The following ABCE1 variants were observed in gnomAD, a reference collection of about 807,000 sequenced individuals.
ABCE1 encodes ATP binding cassette subfamily E member 1, also known as ATP-binding cassette sub-family E member 1.
A neutral mutation model predicts 83.4 loss-of-function variants in ABCE1; 22 were observed. That is an observed-to-expected ratio of 0.26 (90% CI 0.19 to 0.38). The LOEUF is 0.38. Among genes scored for constraint, ABCE1 ranks in the 10% least tolerant of loss-of-function variants. The pLI is 1.00. For missense variants in ABCE1, 330 were observed against 721.9 expected (o/e 0.46, Z 6.22); for synonymous variants, 204 against 233.7 (o/e 0.87, Z 1.16).
In ABCE1 at chr4:145,102,282, T is replaced by G. The variant is rs368128664; in HGVS notation, c.-27-2104T>G. 3.3e-5 allele frequency among the ~76,000 whole-genome samples: 5 copies of G among 152,134 alleles called. No homozygotes were observed. In the East Asian group the frequency reaches 9.6e-4, roughly 29 times the overall value. On this transcript the variant is annotated intron_variant, in intron 1 of 17. Transcript: ENST00000296577. ...TCCAGAGAGCATGTAGCAAGAAATT[T>G]GAGACATTGAGTATAAGCAACTCTT...
Position 145,123,487 on chromosome 4 carries a change from C to G in ABCE1, c.1527C>G (p.Leu509=). 1.2e-6 allele frequency: 2 copies of G among 1,602,862 alleles called. No homozygotes were observed. Among genetic ancestry groups the G allele is most frequent in the African/African-American group, 1.3e-5 (1 of 74,824 alleles). Residue 509 remains leucine (L), a synonymous_variant, in exon 16 of 18, where the codon CTC becomes CTG. Coordinates refer to ENST00000296577, the MANE Select transcript of ABCE1 (RefSeq NM_002940.3). The part of the protein sequence containing the change: ...MAARVVKRFI[L]HAKKTAFVVE... ...AATCATTGTGTTTTAGTTTCATACT[C>G]CATGCAAAAAAGACAGCCTTTGTTG...
At chr4:145,123,646 T>C in intron 16 of ABCE1, 46 bp downstream of exon 16, 6 of 1,516,448 alleles carry the variant, frequency 4.0e-6, no homozygotes, top group Non-Finnish European at 5.4e-6. Context: ...TTTTAAATTT[T>C]CCAGTAAATA....
At chr4:145,107,362 G>A (rs1749339259) in intron 3 of ABCE1, among the ~76,000 whole-genome samples, 1 of 152,066 alleles carries the variant, frequency 6.6e-6, no homozygotes, top group African/African-American at 2.4e-5. Context: ...GTATACAAGG[G>A]CAGGAATAAT....
At chr4:145,127,423 G>A (rs1292614236) in intron 17 of ABCE1, 103 bp from the exon 18 acceptor site, 1 of 969,484 alleles carries the variant, frequency 1.0e-6, no homozygotes, top group Non-Finnish European at 1.6e-6. Flanking sequence ...GGTTGTACAG[G>A]CACTGTTTTA....
intron 10 of ABCE1, among the ~76,000 whole-genome samples, chr4:145,119,190 T>A (rs1749678767): frequency 6.6e-6 from 1 of 151,892 alleles, no homozygotes; most frequent in South Asian, 2.1e-4. Flanking sequence ...ATAAAATGAA[T>A]AACGTCAAGA....
chr4:145,127,697 T>C lies in ABCE1; in HGVS notation c.*124T>C. 1.5e-6 allele frequency: 1 copy of C among 649,872 alleles called. No homozygotes were observed. The highest frequency in any genetic ancestry group is 3.4e-5 in the East Asian group (1 of 29,304). The allele number at this position is 649,872 out of a possible 1,614,324, so 40.3% of individuals were successfully genotyped here. On this transcript the variant is annotated 3_prime_UTR_variant, in exon 18 of 18. Transcript: ENST00000296577. ...CTCTGGAACTTGAAGTATAATATAC[T>C]TAATATAACATAAAAAGCCAGTTGG... is the stretch of plus-strand genomic sequence containing the variant.
At chr4:145,108,576 T>A (rs1749375071) in intron 4 of ABCE1, among the ~76,000 whole-genome samples, 1 of 152,186 alleles carries the variant, frequency 6.6e-6, no homozygotes, top group Non-Finnish European at 1.5e-5. Flanking sequence ...TAGTTTGGGA[T>A]TTTTATCTGC....
At position 145,123,201 on chromosome 4, in the gene ABCE1, A is replaced by C; in HGVS notation, c.1375-14A>C. The C allele has an allele frequency of 6.3e-7, 1 of 1,594,910 alleles. No homozygotes were observed. Among genetic ancestry groups the C allele is most frequent in the African/African-American group, 1.4e-5 (1 of 73,658 alleles). ...TGGATGCCTTTACATGGTTTGCTAA[A>C]CTCCTCCAATTAGGTGCAGACATTA... On this transcript the variant is annotated splice_polypyrimidine_tract_variant and intron_variant, in intron 14 of 17. Coordinates refer to ENST00000296577, the MANE Select transcript of ABCE1 (RefSeq NM_002940.3).
intron 1 of ABCE1, among the ~76,000 whole-genome samples, chr4:145,102,940 G>A (rs547526119): frequency 1.3e-5 from 2 of 152,074 alleles, no homozygotes; most frequent in African/African-American, 2.4e-5. Flanking sequence ...TTGAGGAGAG[G>A]GGTTAAATGA....
At chr4:145,124,578 A>G (rs913949857) in intron 16 of ABCE1, among the ~76,000 whole-genome samples, 1 of 152,202 alleles carries the variant, frequency 6.6e-6, no homozygotes, top group African/African-American at 2.4e-5. Flanking sequence ...GAAAACCACT[A>G]TTAGGAGGAC....
At chr4:145,120,750 A>C (rs1749718989) in intron 11 of ABCE1, among the ~76,000 whole-genome samples, 1 of 152,132 alleles carries the variant, frequency 6.6e-6, no homozygotes, top group Non-Finnish European at 1.5e-5. Flanking sequence ...ACAATGTATC[A>C]GTCTTTAGAT....
chr4:145,112,370 A>G (rs1168764179), intron 9 of ABCE1, 42 bp downstream of exon 9: 2 of 1,285,492 alleles, frequency 1.6e-6, no homozygotes, highest in African/African-American at 1.5e-5. Flanking sequence ...TTTTGTTTGG[A>G]GATTTTTACA....
chr4:145,105,526 C>A (rs1259578947), intron 2 of ABCE1, 79 bp from the exon 3 acceptor site: 11 of 937,912 alleles, frequency 1.2e-5, no homozygotes, highest in Admixed American at 2.5e-5. Flanking sequence ...AAATTTAGAA[C>A]CAGCATTGCC....
chr4:145,099,740 A>G (rs759965808), intron 1 of ABCE1, among the ~76,000 whole-genome samples: 9 of 152,226 alleles, frequency 5.9e-5, no homozygotes, highest in Admixed American at 1.3e-4. Flanking sequence ...TTCATGTGAT[A>G]CTAAACATCA....
Position 145,108,066 on chromosome 4 carries a change from A to G in ABCE1, c.241A>G (p.Lys81Glu). 1 of 1,613,744 alleles carries G rather than the reference A, an allele frequency of 6.2e-7. No homozygotes were observed. The highest frequency in any genetic ancestry group is 8.5e-7 in the Non-Finnish European group (1 of 1,179,748). The change falls in exon 4 of 18, where the codon AAA becomes GAA. Residue 81 changes from lysine (K) to glutamate (E), a missense_variant. Coordinates refer to ENST00000296577, the MANE Select transcript of ABCE1 (RefSeq NM_002940.3). ...TGTCAATCTACCAAGCAACTTGGAA[A>G]AAGAAACCACACATCGATATTGTGC... ...SIVNLPSNLEKETTHRYCANA... is the reference protein window; with the variant it reads ...SIVNLPSNLEEETTHRYCANA...
At chr4:145,102,899 A>C (rs1276042079) in intron 1 of ABCE1, among the ~76,000 whole-genome samples, 1 of 152,176 alleles carries the variant, frequency 6.6e-6, no homozygotes, top group Non-Finnish European at 1.5e-5. Flanking sequence ...AGAAAAAATG[A>C]ATGGCTGTGG....
At chr4:145,113,281 G>A (rs1488742104) in intron 9 of ABCE1, among the ~76,000 whole-genome samples, 1 of 152,202 alleles carries the variant, frequency 6.6e-6, no homozygotes, top group African/African-American at 2.4e-5. Flanking sequence ...GCACGGAAAT[G>A]TCAAGAAAGC....
At chr4:145,109,307 G>A in intron 5 of ABCE1, 58 bp downstream of exon 5, 1 of 952,166 alleles carries the variant, frequency 1.1e-6, no homozygotes, top group Non-Finnish European at 1.6e-6. Flanking sequence ...GAGATTTTGG[G>A]GGGATGATAT....
chr4:145,098,673 C>T (rs770737622), intron 1 of ABCE1: 2 of 152,302 alleles, frequency 1.3e-5, no homozygotes, highest in Non-Finnish European at 2.9e-5. Flanking sequence ...CGAGGGACTT[C>T]GAGAATGGAC....
Sources: allele counts gnomAD v4.1 joint callset (sites outside exome capture counted in the v4.1 genomes callset), GRCh38; gene constraint gnomAD v4.1.1; transcripts MANE v1.5; gene names NCBI Gene and HGNC (gene_info 2026-07-23, HGNC 2026-07-21).